The following ARMH3 variants were observed in gnomAD, a reference collection of about 807,000 sequenced individuals.
The protein encoded by ARMH3 is armadillo-like helical domain-containing protein 3.
A neutral mutation model predicts 99.1 loss-of-function variants in ARMH3; 60 were observed. That is an observed-to-expected ratio of 0.61 (90% CI 0.49 to 0.75). ARMH3 has a LOEUF of 0.75. Among genes scored for constraint, ARMH3 ranks in the 30% least tolerant of loss-of-function variants. The pLI, the probability that ARMH3 is intolerant of heterozygous loss-of-function variation, is 0.00. For missense variants in ARMH3, 679 were observed against 843.1 expected (o/e 0.81, Z 2.41); for synonymous variants, 285 against 292.8 (o/e 0.97, Z 0.27).
chr10:101,993,428 G>T, intron 17 of ARMH3, 110 bp downstream of exon 17: 1 of 756,450 alleles, frequency 1.3e-6, no homozygotes, highest in Non-Finnish European at 2.1e-6. Flanking sequence ...AAAGCCCTTT[G>T]GCACAACTTT....
At chr10:101,929,747 T>C (rs1353097339) in intron 23 of ARMH3, among the ~76,000 whole-genome samples, 3 of 152,142 alleles carry the variant, frequency 2.0e-5, no homozygotes, top group Admixed American at 1.3e-4. Context: ...ATTCACTTAA[T>C]GCAAAAGAAA....
At chr10:101,885,593 T>A (rs185745410) in intron 24 of ARMH3, among the ~76,000 whole-genome samples, 22 of 152,142 alleles carry the variant, frequency 1.4e-4, no homozygotes, top group African/African-American at 4.6e-4. Flanking sequence ...AGAGACAGAG[T>A]AGAACAGTGG....
At chr10:102,048,622 T>C (rs890532465) in intron 1 of ARMH3, among the ~76,000 whole-genome samples, 14 of 152,030 alleles carry the variant, frequency 9.2e-5, no homozygotes, top group African/African-American at 3.4e-4. Flanking sequence ...GAGTCAGGGC[T>C]TCACCAAGTT....
chr10:102,023,822 C>A, intron 6 of ARMH3, 73 bp from the exon 7 acceptor site: 1 of 1,357,066 alleles, frequency 7.4e-7, no homozygotes, highest in South Asian at 1.2e-5. Context: ...CCTCCCCTAA[C>A]ATCTAAGAGA....
chr10:101,905,806 A>C (rs753822388), intron 23 of ARMH3, among the ~76,000 whole-genome samples: 26 of 152,222 alleles, frequency 1.7e-4, no homozygotes, highest in Non-Finnish European at 2.6e-4. Context: ...AGATGTACAA[A>C]AAGGTGCAAA....
chr10:102,016,259 T>C (rs1025850568), intron 8 of ARMH3, among the ~76,000 whole-genome samples: 1 of 152,218 alleles, frequency 6.6e-6, no homozygotes. Flanking sequence ...TCTGAAATAC[T>C]CCAATGAGCA....
intron 14 of ARMH3, among the ~76,000 whole-genome samples, chr10:102,002,869 G>T (rs2066394535): frequency 1.3e-5 from 2 of 151,908 alleles, no homozygotes; most frequent in South Asian, 4.2e-4. Context: ...GCTGAGGCAG[G>T]AGAATTGCTT....
At chr10:102,046,091 A>G (rs1370877301) in intron 1 of ARMH3, among the ~76,000 whole-genome samples, 3 of 151,802 alleles carry the variant, frequency 2.0e-5, no homozygotes, top group Non-Finnish European at 2.9e-5. Context: ...GTTAAACTCC[A>G]TTTCAAAAAA....
At chr10:102,010,199 C>T (rs926603680) in intron 11 of ARMH3, among the ~76,000 whole-genome samples, 176 bp from the exon 12 acceptor site, 5 of 152,180 alleles carry the variant, frequency 3.3e-5, no homozygotes, top group Non-Finnish European at 7.3e-5. Context: ...TCTTAAAAGA[C>T]TCATAAGTAA....
At chr10:102,027,088 G>A (rs2067015614) in intron 5 of ARMH3, among the ~76,000 whole-genome samples, 1 of 152,152 alleles carries the variant, frequency 6.6e-6, no homozygotes, top group Admixed American at 6.5e-5. Context: ...AGACCAGCCT[G>A]GCCAACAGGG....
chr10:101,871,755 C>CT (rs986369305), intron 24 of ARMH3, among the ~76,000 whole-genome samples: 1 of 152,122 alleles, frequency 6.6e-6, no homozygotes, highest in African/African-American at 2.4e-5. Context: ...AATCCCAGCA[C>CT]TTTGGGAGGC....
intron 15 of ARMH3, among the ~76,000 whole-genome samples, chr10:102,001,354 C>G (rs2066357511): frequency 6.6e-6 from 1 of 152,074 alleles, no homozygotes; most frequent in Non-Finnish European, 1.5e-5. Flanking sequence ...CCTTCTCAAT[C>G]CTAGGACAAC....
intron 14 of ARMH3, among the ~76,000 whole-genome samples, chr10:102,002,664 G>A (rs924598820): frequency 1.3e-5 from 2 of 152,062 alleles, no homozygotes; most frequent in East Asian, 3.9e-4. Context: ...ATAGTAGACT[G>A]AAAACAGATG....
intron 24 of ARMH3, among the ~76,000 whole-genome samples, chr10:101,860,545 G>C (rs1395064933): frequency 6.6e-6 from 1 of 152,168 alleles, no homozygotes; most frequent in Non-Finnish European, 1.5e-5. Flanking sequence ...AAAGAGAAGG[G>C]AGACAGGCCG....
chr10:101,929,170 T>C (rs927956513), intron 23 of ARMH3, among the ~76,000 whole-genome samples: 1 of 152,256 alleles, frequency 6.6e-6, no homozygotes, highest in Non-Finnish European at 1.5e-5. Flanking sequence ...ATCTAAGTAC[T>C]GTGTCCTTTC....
intron 20 of ARMH3, among the ~76,000 whole-genome samples, chr10:101,960,039 G>A (rs533549170): frequency 2.6e-5 from 4 of 152,218 alleles, no homozygotes; most frequent in South Asian, 2.1e-4. Flanking sequence ...TTAGCTGGGC[G>A]TGGCGGTGTG....
intron 23 of ARMH3, among the ~76,000 whole-genome samples, chr10:101,920,193 C>T (rs750705076): frequency 3.9e-5 from 6 of 152,186 alleles, no homozygotes; most frequent in Non-Finnish European, 5.9e-5. Context: ...TAGACAGTTG[C>T]TGCTGTAGTG....
chr10:101,949,584 C>T (rs1332890903), intron 22 of ARMH3, among the ~76,000 whole-genome samples: 2 of 152,066 alleles, frequency 1.3e-5, no homozygotes, highest in Non-Finnish European at 2.9e-5. Context: ...GGTTTAAAAT[C>T]TTCCACGAAA....
chr10:101,926,365 A>ATT (rs917461721), intron 23 of ARMH3, among the ~76,000 whole-genome samples: 1 of 151,826 alleles, frequency 6.6e-6, no homozygotes, highest in African/African-American at 2.4e-5. Context: ...TTATTTTTTT[A>ATT]TTTTTTGTAT....
Sources: allele counts gnomAD v4.1 joint callset (sites outside exome capture counted in the v4.1 genomes callset), GRCh38; gene constraint gnomAD v4.1.1; transcripts MANE v1.5; gene names NCBI Gene and HGNC (gene_info 2026-07-23, HGNC 2026-07-21).